Variants in THUMPD2 observed in about 807,000 individuals in gnomAD.
THUMPD2 encodes the protein U6 snRNA (guanine-N(2))-methyltransferase THUMPD2.
Under a neutral mutation model 49.4 loss-of-function variants are expected in THUMPD2, and 56 were observed. The ratio of observed to expected loss-of-function variants is 1.13; its 90% CI spans 0.91 to 1.41. The LOEUF is 1.41. Among genes scored for constraint, THUMPD2 ranks in the 40% most tolerant of loss-of-function variants. THUMPD2 has a pLI of 0.00. For synonymous variants in THUMPD2, 237 were observed against 205.2 expected, an observed-to-expected ratio of 1.15 and a Z score of -1.32; for missense variants, 709 against 594.5, an observed-to-expected ratio of 1.19 and a Z score of -2.00.
chr2:39,751,681 ATTT>A (rs11284104), intron 8 of THUMPD2, among the ~76,000 whole-genome samples: 2 of 119,956 alleles, frequency 1.7e-5, no homozygotes, highest in Non-Finnish European at 1.6e-5. Context: ...ATATTAAAAG[ATTT>A]TTTTTTTTTT....
chr2:39,755,833 T>C, intron 7 of THUMPD2, 56 bp downstream of exon 7: 1 of 1,411,420 alleles, frequency 7.1e-7, no homozygotes, highest in Admixed American at 1.7e-5. Context: ...GTGATTATAC[T>C]ACATATACTG....
At chr2:39,774,116 G>A (rs755557332) in intron 1 of THUMPD2, among the ~76,000 whole-genome samples, 1 of 152,226 alleles carries the variant, frequency 6.6e-6, no homozygotes, top group Admixed American at 6.5e-5. Flanking sequence ...GGGTGTGTGT[G>A]AGTGTGCCAG....
chr2:39,760,507 G>C (rs1676682040), intron 6 of THUMPD2, among the ~76,000 whole-genome samples: 1 of 152,088 alleles, frequency 6.6e-6, no homozygotes, highest in African/African-American at 2.4e-5. Flanking sequence ...CAAAGTGTGA[G>C]AAGTTATGAA....
intron 2 of THUMPD2, among the ~76,000 whole-genome samples, chr2:39,770,725 T>C (rs1678196310): frequency 6.6e-6 from 1 of 152,094 alleles, no homozygotes; most frequent in Admixed American, 6.5e-5. Context: ...TTAAGATGAA[T>C]GTGTGTAGAG....
At chr2:39,762,824 C>G (rs1168755591) in intron 5 of THUMPD2, among the ~76,000 whole-genome samples, 2 of 149,828 alleles carry the variant, frequency 1.3e-5, no homozygotes, top group East Asian at 3.9e-4. Flanking sequence ...CAGCTTTGTC[C>G]ATATATATGA....
chr2:39,739,903 A>C (rs1673677389), intron 9 of THUMPD2, among the ~76,000 whole-genome samples: 1 of 152,224 alleles, frequency 6.6e-6, no homozygotes, highest in Admixed American at 6.5e-5. Context: ...ATCATGTATC[A>C]AAAATATGAA....
At chr2:39,751,600 C>CT (rs1675408180) in intron 8 of THUMPD2, among the ~76,000 whole-genome samples, 1 of 151,026 alleles carries the variant, frequency 6.6e-6, no homozygotes, top group African/African-American at 2.4e-5. Context: ...CCTAAGAAAA[C>CT]TTATAATATT....
At chr2:39,747,983 A>C (rs1386524780) in intron 8 of THUMPD2, among the ~76,000 whole-genome samples, 1 of 152,212 alleles carries the variant, frequency 6.6e-6, no homozygotes, top group Non-Finnish European at 1.5e-5. Flanking sequence ...TACCATATCC[A>C]AAGAATATTT....
chr2:39,771,872 T>C (rs1477162599), intron 1 of THUMPD2, among the ~76,000 whole-genome samples: 2 of 152,190 alleles, frequency 1.3e-5, no homozygotes, highest in Admixed American at 1.3e-4. Flanking sequence ...AAAGGTATAA[T>C]GTATTGGACA....
intron 2 of THUMPD2, 89 bp downstream of exon 2, chr2:39,771,416 T>A: frequency 1.5e-6 from 2 of 1,307,254 alleles, no homozygotes; most frequent in Non-Finnish European, 2.1e-6. Context: ...AATATTAAAG[T>A]GTAAAATGGC....
chr2:39,773,897 G>T (rs1200044163), intron 1 of THUMPD2, among the ~76,000 whole-genome samples: 3 of 152,164 alleles, frequency 2.0e-5, no homozygotes, highest in African/African-American at 4.8e-5. Flanking sequence ...ATTATCAGAA[G>T]TACAGCAGGT....
intron 1 of THUMPD2, among the ~76,000 whole-genome samples, chr2:39,772,693 G>A (rs7605966): frequency 0.024 from 3,673 of 152,222 alleles, 142 homozygotes; most frequent in African/African-American, 0.083. Flanking sequence ...AGTCCAGGAT[G>A]GATGTGGGCT....
At chr2:39,747,080 G>A (rs1298868456) in intron 8 of THUMPD2, among the ~76,000 whole-genome samples, 2 of 152,270 alleles carry the variant, frequency 1.3e-5, no homozygotes, top group East Asian at 3.9e-4. Context: ...AGGACTTAGT[G>A]TGAAATGTTG....
chr2:39,770,071 C>G lies in THUMPD2; in HGVS notation c.311G>C (p.Ser104Thr), dbSNP rs1217558121. The G allele has an allele frequency of 1.3e-6, 2 of 1,547,970 alleles. No homozygotes were observed. Among genetic ancestry groups the G allele is most frequent in the South Asian group, 2.5e-5 (2 of 78,650 alleles). Reference protein sequence around the residue: ...MQRLINEDPGSWLNAISIWKN... With the variant: ...MQRLINEDPGTWLNAISIWKN... ...CCAAATTGAAATGGCATTCAACCAA[C>G]TTCCTGGATCTTCATTTATAAGTCT... Residue 104 changes from serine (S) to threonine (T), a missense_variant, in exon 3 of 10, where the codon AGT becomes ACT. Coordinates refer to ENST00000505747, the MANE Select transcript of THUMPD2 (RefSeq NM_025264.5).
intron 8 of THUMPD2, among the ~76,000 whole-genome samples, chr2:39,746,264 T>C (rs1426687485): frequency 1.3e-5 from 2 of 152,216 alleles, no homozygotes; most frequent in African/African-American, 4.8e-5. Flanking sequence ...GGGCAACTAC[T>C]TCCAGGTGGG....
At chr2:39,766,491 C>A (rs1354680636) in intron 4 of THUMPD2, among the ~76,000 whole-genome samples, 1 of 152,126 alleles carries the variant, frequency 6.6e-6, no homozygotes, top group Non-Finnish European at 1.5e-5. Flanking sequence ...CGAGGCCACA[C>A]AGGACTATCA....
intron 9 of THUMPD2, among the ~76,000 whole-genome samples, chr2:39,742,291 C>G (rs1338382309): frequency 6.6e-6 from 1 of 152,184 alleles, no homozygotes; most frequent in Non-Finnish European, 1.5e-5. Context: ...AATACATACA[C>G]TTTAAACTGG....
At chr2:39,755,844 A>G (rs1360449280) in intron 7 of THUMPD2, 45 bp downstream of exon 7, 1 of 1,508,270 alleles carries the variant, frequency 6.6e-7, no homozygotes, top group South Asian at 1.1e-5. Flanking sequence ...ACATATACTG[A>G]TTAAAGTAGA....
At chr2:39,756,829 C>G (rs892209852) in intron 6 of THUMPD2, among the ~76,000 whole-genome samples, 1 of 151,420 alleles carries the variant, frequency 6.6e-6, no homozygotes, top group Admixed American at 6.6e-5. Flanking sequence ...ACTGTTCTTT[C>G]TTAGTTAATG....
Sources: gnomAD v4.1 joint callset for allele counts (sites outside exome capture counted in the v4.1 genomes callset) on GRCh38, gnomAD v4.1.1 for gene constraint, MANE v1.5 for transcripts, NCBI Gene and HGNC (gene_info 2026-07-23, HGNC 2026-07-21) for gene names.